The following PCNT variants were observed in gnomAD, a reference collection of about 807,000 sequenced individuals.
PCNT encodes kendrin.
In PCNT, 319 loss-of-function variants were observed where a neutral mutation model predicts 380.4. The ratio of observed to expected loss-of-function variants is 0.84; its 90% CI spans 0.77 to 0.92. PCNT has a LOEUF of 0.92. Among genes scored for constraint, PCNT ranks in the 40% least tolerant of loss-of-function variants. The probability of loss-of-function intolerance (pLI) is 0.00; values close to 1 mark genes in which losing one functional copy is unlikely to be tolerated. For missense variants in PCNT, 4,400 were observed against 4,255.3 expected, an observed-to-expected ratio of 1.03 and a Z score of -0.95; for synonymous variants, 1,845 against 1,735.2, an observed-to-expected ratio of 1.06 and a Z score of -1.57.
chr21:46,443,849 G>C lies in PCNT; in HGVS notation c.9740G>C (p.Arg3247Thr). 1 of 1,613,454 alleles carries C rather than the reference G, an allele frequency of 6.2e-7. No homozygotes were observed. Among genetic ancestry groups the C allele is most frequent in the Non-Finnish European group, 8.5e-7 (1 of 1,179,982 alleles). ...CAGCCGCAGTCTCCACCCAGAACCA[G>C]AGAGTCCCCCCCAACCCGGGATGTA... Reference protein sequence around the residue: ...ARQPQSPPRTRESPPTRDVPS... With the variant: ...ARQPQSPPRTTESPPTRDVPS... The change falls in exon 45 of 47, where the codon AGA becomes ACA. Residue 3247 changes from arginine (R) to threonine (T), a missense_variant. Transcript: ENST00000359568.
chr21:46,434,757 C>G (rs2087896594), intron 38 of PCNT, among the ~76,000 whole-genome samples: 1 of 152,204 alleles, frequency 6.6e-6, no homozygotes, highest in African/African-American at 2.4e-5. Context: ...CAGGCTCAGC[C>G]CCAGGGCTGC....
intron 40 of PCNT, 146 bp from the exon 41 acceptor site, chr21:46,438,018 A>G (rs1383652348): frequency 8.5e-6 from 6 of 707,412 alleles, no homozygotes; most frequent in East Asian, 8.2e-5. Context: ...AATGACTTTT[A>G]CAATTTTCTG....
chr21:46,353,448 A>C, intron 10 of PCNT, 122 bp downstream of exon 10: 1 of 833,856 alleles, frequency 1.2e-6, no homozygotes, highest in Non-Finnish European at 2.0e-6. Flanking sequence ...ATACAAACAC[A>C]TTTTATGGTC....
Position 46,416,740 on chromosome 21 carries a change from G to T in PCNT, c.6822G>T (p.Pro2274=), listed in dbSNP as rs375741970. Residue 2274 remains proline, a synonymous_variant, in exon 30 of 47, where the codon CCG becomes CCT. Coordinates refer to ENST00000359568, the MANE Select transcript of PCNT (RefSeq NM_006031.6). The part of the protein sequence containing the change: ...ADTSLPQTQG[P]GLLCSPGVSA... ...CCTCGCTGCCACAGACCCAGGGGCC[G>T]GGGCTGCTTTGTTCCCCAGGCGTGT... 1 of 1,597,242 alleles carries T rather than the reference G, an allele frequency of 6.3e-7. No homozygotes were observed. The highest frequency in any genetic ancestry group is 1.1e-5 in the South Asian group (1 of 89,686).
chr21:46,401,427 G>A, intron 25 of PCNT, 124 bp from the exon 26 acceptor site: 1 of 789,048 alleles, frequency 1.3e-6, no homozygotes, highest in Non-Finnish European at 2.2e-6. Context: ...TGAGTGCAGG[G>A]GCGTGCAGGT....
In PCNT at chr21:46,432,149, G is replaced by A. The variant is rs377565074; in HGVS notation, c.8685G>A (p.Ala2895=). The A allele has an allele frequency of 3.2e-5, 52 of 1,613,688 alleles. No individual in the cohort carries two copies. The African/African-American group carries it at 4.4e-4, about 14-fold the overall frequency. The change falls in exon 38 of 47, where the codon GCG becomes GCA. Residue 2895 remains alanine, a synonymous_variant. Transcript: ENST00000359568. ...GACGCAAGGCTGCGAGGAGGAGCGC[G>A]GAGGCCAGGCAGAGCCCAGCGGCTG... The part of the protein sequence containing the change: ...QEGRKAARRS[A]EARQSPAAAE...
chr21:46,324,708 C>T (rs1366111955), intron 1 of PCNT, among the ~76,000 whole-genome samples: 1 of 152,086 alleles, frequency 6.6e-6, no homozygotes, highest in African/African-American at 2.4e-5. Context: ...CCAGTGGCTC[C>T]CGCGTCCTCC....
chr21:46,394,206 G>T (rs1389670433), intron 21 of PCNT, among the ~76,000 whole-genome samples: 1 of 152,226 alleles, frequency 6.6e-6, no homozygotes, highest in South Asian at 2.1e-4. Context: ...CGGCCCTGGT[G>T]TGCAGCGGCC....
rs760642168 is a variant in PCNT, at chr21:46,411,964, C to T, written c.5891C>T (p.Ala1964Val). Residue 1964 changes from alanine to valine, a missense_variant, in exon 28 of 47, where the codon GCC becomes GTC. Coordinates refer to ENST00000359568, the MANE Select transcript of PCNT (RefSeq NM_006031.6). ...ACAGCTCACACACGGGTGCCCGGGG[C>T]CCACCCACAGCCTCGCATGGATGGT... Reference protein sequence around the residue: ...RATAHTRVPGAHPQPRMDGGA... With the variant: ...RATAHTRVPGVHPQPRMDGGA... 19 of 1,600,062 alleles carry T rather than the reference C, an allele frequency of 1.2e-5. No homozygotes were observed. The African/African-American group carries it at 1.7e-4, about 15-fold the overall frequency.
Position 46,444,700 on chromosome 21 carries a change from T to C in PCNT, c.9846T>C (p.Thr3282=). The C allele has an allele frequency of 6.2e-7, 1 of 1,603,394 alleles. No individual in the cohort carries two copies. Among genetic ancestry groups the C allele is most frequent in the Non-Finnish European group, 8.5e-7 (1 of 1,172,638 alleles). Reference sequence around the variant, plus strand: ...TGTGGTAATTTGTTTGAAGAGCCACTCCATCCCCAAATTCAAGATTAGAAA... The same window carrying C: ...TGTGGTAATTTGTTTGAAGAGCCACCCCATCCCCAAATTCAAGATTAGAAA... ...AASPHSGGRA[T]PSPNSRLERS... The change falls in exon 46 of 47, where the codon ACT becomes ACC. Residue 3282 remains threonine, a synonymous_variant. Coordinates refer to ENST00000359568, the MANE Select transcript of PCNT (RefSeq NM_006031.6).
chr21:46,377,924 G>A (rs966538673), intron 15 of PCNT, among the ~76,000 whole-genome samples: 3 of 147,826 alleles, frequency 2.0e-5, no homozygotes, highest in Non-Finnish European at 3.0e-5. Context: ...GTGATGTGCC[G>A]TCTGCTTGCC....
At chr21:46,409,725 G>A (rs1175798573) in intron 27 of PCNT, among the ~76,000 whole-genome samples, 2 of 152,118 alleles carry the variant, frequency 1.3e-5, no homozygotes, top group African/African-American at 4.8e-5. Flanking sequence ...TCAGCCTCCT[G>A]AGTAGGTGGA....
chr21:46,399,318 G>A (rs1332846896), intron 24 of PCNT, among the ~76,000 whole-genome samples: 9 of 144,302 alleles, frequency 6.2e-5, no homozygotes, highest in African/African-American at 1.3e-4. Flanking sequence ...TCAGCCTGTG[G>A]GTCTAGGTCT....
At chr21:46,401,510 C>T in intron 25 of PCNT, 41 bp from the exon 26 acceptor site, 3 of 1,550,746 alleles carry the variant, frequency 1.9e-6, no homozygotes, top group Non-Finnish European at 2.7e-6. Context: ...TACTGAATTC[C>T]CAAATATTTG....
At chr21:46,353,764 G>GA (rs2084369620) in intron 10 of PCNT, among the ~76,000 whole-genome samples, 1 of 137,576 alleles carries the variant, frequency 7.3e-6, no homozygotes, top group South Asian at 2.1e-4. Flanking sequence ...GAGAGACAGA[G>GA]AGAGAGTCAG....
chr21:46,324,695 C>A (rs1302717602), intron 1 of PCNT, among the ~76,000 whole-genome samples: 1 of 151,954 alleles, frequency 6.6e-6, no homozygotes, highest in African/African-American at 2.4e-5. Context: ...CAGGCTGGAT[C>A]TTCCAGTGGC....
rs759509458 is a variant in PCNT, at chr21:46,427,588, G to C, written c.7321-34G>C. 7.4e-6 allele frequency: 12 copies of C among 1,613,526 alleles called. No homozygotes were observed. The South Asian group carries it at 1.3e-4, about 18-fold the overall frequency. ...AGGGCACAAGGATGCAGGTGCATTT[G>C]TGAGGACGCCACGTTTCTTCCTTCT... is the stretch of plus-strand genomic sequence containing the variant. On this transcript the variant is annotated intron_variant, in intron 33 of 46. Transcript: ENST00000359568.
chr21:46,372,890 C>T (rs2085200229), intron 15 of PCNT, among the ~76,000 whole-genome samples: 1 of 152,220 alleles, frequency 6.6e-6, no homozygotes. Flanking sequence ...GATTCTGTCT[C>T]GCTTTTCCAG....
intron 3 of PCNT, among the ~76,000 whole-genome samples, chr21:46,343,602 TG>T (rs1408236814): frequency 1.3e-5 from 2 of 152,152 alleles, no homozygotes; most frequent in African/African-American, 2.4e-5. Context: ...TGTCCTTTCC[TG>T]GTTTTGGTAT....
Sources: allele counts gnomAD v4.1 joint callset (sites outside exome capture counted in the v4.1 genomes callset), GRCh38; gene constraint gnomAD v4.1.1; transcripts MANE v1.5; gene names NCBI Gene and HGNC (gene_info 2026-07-23, HGNC 2026-07-21).